The following FNDC3B variants were observed in gnomAD, a reference collection of about 807,000 sequenced individuals.
The protein encoded by FNDC3B is fibronectin type III domain containing 3B, also known as fibronectin type III domain-containing protein 3B.
Under a neutral mutation model 151.5 loss-of-function variants are expected in FNDC3B, and 12 were observed. The observed-to-expected ratio is 0.08, with a 90% confidence interval of 0.05 to 0.13. FNDC3B has a LOEUF of 0.13. Ranked by LOEUF, FNDC3B falls within the 10% of genes least tolerant of loss-of-function variation. FNDC3B has a pLI of 1.00. For missense variants in FNDC3B, 1,214 were observed against 1,505.3 expected (o/e 0.81, Z 3.20); for synonymous variants, 528 against 549.0 (o/e 0.96, Z 0.54).
chr3:172,169,318 G>A (rs958293979), intron 3 of FNDC3B, among the ~76,000 whole-genome samples: 7 of 152,230 alleles, frequency 4.6e-5, no homozygotes, highest in African/African-American at 1.7e-4. Context: ...ATGTGCTGCA[G>A]CCTTCTGCAG....
At position 172,399,479 on chromosome 3, in the gene FNDC3B, A is replaced by T. The variant is rs367876626; in HGVS notation, c.*2004A>T. 9 of 152,654 alleles carry T rather than the reference A, an allele frequency of 5.9e-5. No individual in the cohort carries two copies. Among genetic ancestry groups the T allele is most frequent in the African/African-American group, 2.2e-4 (9 of 41,464 alleles). The allele number at this position is 152,654 out of a possible 1,614,324, so 9.5% of individuals were successfully genotyped here. A position where few individuals can be genotyped will look rare whatever the true frequency, so the allele number is the denominator to read the frequency against. On this transcript the variant is annotated 3_prime_UTR_variant, in exon 26 of 26. Coordinates refer to ENST00000415807, the MANE Select transcript of FNDC3B (RefSeq NM_022763.4). ...CTCTTGGAAGAAAATGCTGAGATCAATGAATTATTCTGTGTGCCTATATTG... is the reference window on the plus strand; with the variant it reads ...CTCTTGGAAGAAAATGCTGAGATCATTGAATTATTCTGTGTGCCTATATTG...
chr3:172,183,132 T>G (rs1361227996), intron 3 of FNDC3B, among the ~76,000 whole-genome samples: 1 of 152,254 alleles, frequency 6.6e-6, no homozygotes, highest in East Asian at 1.9e-4. Flanking sequence ...TTCTTCTTTG[T>G]GTTTTTTATG....
intron 1 of FNDC3B, among the ~76,000 whole-genome samples, chr3:172,081,209 C>G (rs992545672): frequency 1.3e-5 from 2 of 152,138 alleles, no homozygotes; most frequent in African/African-American, 2.4e-5. Flanking sequence ...TTTGGATTCT[C>G]CCACTTAGCA....
Position 172,177,735 on chromosome 3 carries a change from G to A in FNDC3B, c.187+44189G>A, listed in dbSNP as rs149979601. ...AAGTTCCAGGATACATGTGCAGAACGTGCAGGTTTATTACATAGGTAAATG... is the reference window on the plus strand; with the variant it reads ...AAGTTCCAGGATACATGTGCAGAACATGCAGGTTTATTACATAGGTAAATG... On this transcript the variant is annotated intron_variant, in intron 3 of 25. Transcript: ENST00000415807. Among the ~76,000 whole-genome samples the A allele has an allele frequency of 1.5e-3, 218 of 147,554 alleles. 2 individuals carry two copies. Among genetic ancestry groups the A allele is most frequent in the African/African-American group, 5.2e-3 (210 of 40,104 alleles).
At chr3:172,123,845 A>AT (rs977893227) in intron 2 of FNDC3B, among the ~76,000 whole-genome samples, 2 of 152,232 alleles carry the variant, frequency 1.3e-5, no homozygotes, top group African/African-American at 4.8e-5. Context: ...TGGCATCCAT[A>AT]TTTTTCTCTT....
intron 11 of FNDC3B, among the ~76,000 whole-genome samples, chr3:172,328,734 A>G (rs1263154372): frequency 6.6e-6 from 1 of 152,052 alleles, no homozygotes. Flanking sequence ...TCAATTACAG[A>G]ATTTTCTGTA....
chr3:172,286,974 G>C (rs1353926075), intron 7 of FNDC3B, among the ~76,000 whole-genome samples: 3 of 152,160 alleles, frequency 2.0e-5, no homozygotes, highest in African/African-American at 7.2e-5. Flanking sequence ...CAGGCAGCAG[G>C]GGACAGATAC....
chr3:172,309,137 C>A (rs1007301516), intron 10 of FNDC3B, among the ~76,000 whole-genome samples: 6 of 152,194 alleles, frequency 3.9e-5, no homozygotes, highest in Non-Finnish European at 8.8e-5. Flanking sequence ...CAGTCATGTA[C>A]AAACTTGAAA....
Position 172,347,233 on chromosome 3 carries a change from G to T in FNDC3B, c.2386G>T (p.Asp796Tyr). ...GWESPDSSGA[D>Y]ISEYRLEWGE... ...CCAGAGTCCTGATAGTTCTGGTGCT[G>T]ACATCTCAGAGTACAGGTTGGAATG... The change falls in exon 21 of 26, where the codon GAC (aspartate) becomes TAC (tyrosine). Residue 796 changes from aspartate to tyrosine, a missense_variant. By Grantham distance (160) the Asp-to-Tyr change is radical. Transcript: ENST00000415807. 6.2e-7 allele frequency: 1 copy of T among 1,613,580 alleles called. No individual in the cohort carries two copies. Among genetic ancestry groups the T allele is most frequent in the South Asian group, 1.1e-5 (1 of 90,970 alleles).
At chr3:172,169,135 G>A (rs767703536) in intron 3 of FNDC3B, among the ~76,000 whole-genome samples, 2 of 152,024 alleles carry the variant, frequency 1.3e-5, no homozygotes, top group Non-Finnish European at 2.9e-5. Context: ...GTGCATCACT[G>A]ATGTTTGAGG....
chr3:172,359,708 A>G (rs375554286), intron 22 of FNDC3B, among the ~76,000 whole-genome samples: 1 of 152,204 alleles, frequency 6.6e-6, no homozygotes. Context: ...TATTAATACC[A>G]TAAAGCAATC....
intron 2 of FNDC3B, among the ~76,000 whole-genome samples, chr3:172,130,990 A>C (rs1303230142): frequency 6.6e-6 from 1 of 152,158 alleles, no homozygotes; most frequent in Non-Finnish European, 1.5e-5. Flanking sequence ...GACATGGATA[A>C]TTGTCTGTAT....
intron 6 of FNDC3B, among the ~76,000 whole-genome samples, chr3:172,256,431 GGA>G (rs1431849148): frequency 6.6e-6 from 1 of 152,228 alleles, no homozygotes; most frequent in African/African-American, 2.4e-5. Flanking sequence ...AGATGTTCAA[GGA>G]CAGGAATGGA....
Position 172,211,161 on chromosome 3 carries a change from TCATAA to T in FNDC3B, c.188-15704_188-15700del, listed in dbSNP as rs558469912. Among the ~76,000 whole-genome samples the T allele has an allele frequency of 2.9e-3, 446 of 152,348 alleles. 4 individuals are homozygous for T. The highest frequency in any genetic ancestry group is 0.01 in the African/African-American group (430 of 41,580). ...GCAAAGAGTATAACATAAAAATGAC[TCATAA>T]CATAAATGTAAAAACGTAGGTTTTT... On this transcript the variant is annotated intron_variant, in intron 3 of 25. Transcript: ENST00000415807.
chr3:172,233,095 G>T (rs1448404269), intron 4 of FNDC3B, among the ~76,000 whole-genome samples: 1 of 152,138 alleles, frequency 6.6e-6, no homozygotes, highest in African/African-American at 2.4e-5. Context: ...TAATTTATAT[G>T]TAAAAATTTC....
At chr3:172,241,397 G>A (rs1054688332) in intron 4 of FNDC3B, among the ~76,000 whole-genome samples, 1 of 152,128 alleles carries the variant, frequency 6.6e-6, no homozygotes, top group Non-Finnish European at 1.5e-5. Flanking sequence ...CTTGTAAATG[G>A]CCATTGTATT....
intron 11 of FNDC3B, among the ~76,000 whole-genome samples, chr3:172,324,104 G>A (rs748986113): frequency 7.2e-5 from 11 of 152,210 alleles, no homozygotes; most frequent in South Asian, 2.1e-4. Context: ...CACACTGGAC[G>A]GAACATAGAG....
intron 3 of FNDC3B, among the ~76,000 whole-genome samples, chr3:172,154,207 C>T (rs566619248): frequency 5.3e-5 from 8 of 152,140 alleles, no homozygotes; most frequent in African/African-American, 1.4e-4. Context: ...GTAATCTGAT[C>T]GAGACCGTTA....
At chr3:172,359,588 G>A (rs7653761) in intron 22 of FNDC3B, among the ~76,000 whole-genome samples, 5,414 of 152,186 alleles carry the variant, frequency 0.036, 328 homozygotes, top group African/African-American at 0.12. Flanking sequence ...TCCTGAGAAG[G>A]GAAAGAGGAT....
Sources: allele counts gnomAD v4.1 joint callset (sites outside exome capture counted in the v4.1 genomes callset), GRCh38; gene constraint gnomAD v4.1.1; transcripts MANE v1.5; gene names NCBI Gene and HGNC (gene_info 2026-07-23, HGNC 2026-07-21).